The following CTIF variants were observed in gnomAD, a reference collection of about 807,000 sequenced individuals.
CTIF encodes CBP80/20-dependent translation initiation factor.
CTIF carries 21 observed loss-of-function variants against 66.0 expected under a neutral mutation model. That is an observed-to-expected ratio of 0.32 (90% CI 0.23 to 0.46). The LOEUF (loss-of-function observed/expected upper bound fraction) is 0.46, where lower values mean the gene tolerates loss of function less well. CTIF is among the 20% of genes least tolerant of loss of function. CTIF has a pLI of 1.00. For missense variants in CTIF, 739 were observed against 812.7 expected (o/e 0.91, Z 1.10); for synonymous variants, 345 against 326.4 (o/e 1.06, Z -0.62).
chr18:48,724,250 G>C (rs1241549216), intron 7 of CTIF, among the ~76,000 whole-genome samples: 1 of 152,154 alleles, frequency 6.6e-6, no homozygotes, highest in Non-Finnish European at 1.5e-5. Flanking sequence ...CTTGTGGGAT[G>C]GCATTATCAA....
intron 6 of CTIF, among the ~76,000 whole-genome samples, chr18:48,705,273 G>A (rs759804818): frequency 3.9e-5 from 6 of 152,118 alleles, no homozygotes; most frequent in South Asian, 2.1e-4. Flanking sequence ...CCAGCTTCCC[G>A]TGGCTGCCAG....
intron 1 of CTIF, among the ~76,000 whole-genome samples, chr18:48,603,849 A>T (rs2090152207): frequency 7.2e-6 from 1 of 138,126 alleles, no homozygotes; most frequent in South Asian, 2.3e-4. Flanking sequence ...ACTCAGTGAA[A>T]TTTTTTTTTT....
chr18:48,594,089 A>T (rs1438490586), intron 1 of CTIF, among the ~76,000 whole-genome samples: 1 of 95,076 alleles, frequency 1.1e-5, no homozygotes, highest in African/African-American at 3.7e-5. Context: ...CCCTTCCCCC[A>T]CTCCTGCAAT....
At chr18:48,745,710 A>G (rs747092590) in intron 7 of CTIF, among the ~76,000 whole-genome samples, 1 of 152,216 alleles carries the variant, frequency 6.6e-6, no homozygotes, top group Non-Finnish European at 1.5e-5. Context: ...AGTGGTGTTT[A>G]ATGTGAAGGT....
At chr18:48,659,763 G>C (rs1437473887) in intron 3 of CTIF, among the ~76,000 whole-genome samples, 1 of 152,198 alleles carries the variant, frequency 6.6e-6, no homozygotes, top group Non-Finnish European at 1.5e-5. Context: ...GGAAGGAGAA[G>C]CAGCCTGGTG....
At chr18:48,589,481 T>C (rs975485534) in intron 1 of CTIF, among the ~76,000 whole-genome samples, 1 of 152,208 alleles carries the variant, frequency 6.6e-6, no homozygotes, top group Non-Finnish European at 1.5e-5. Context: ...TCCTAACTTG[T>C]TTACATCTAT....
intron 1 of CTIF, among the ~76,000 whole-genome samples, chr18:48,585,720 A>G (rs907860681): frequency 1.1e-4 from 17 of 152,164 alleles, no homozygotes; most frequent in Admixed American, 6.5e-4. Flanking sequence ...GCACTGCAAT[A>G]TACTCCAGCC....
chr18:48,821,354 C>T (rs1461190757), intron 10 of CTIF, among the ~76,000 whole-genome samples: 1 of 152,260 alleles, frequency 6.6e-6, no homozygotes, highest in Non-Finnish European at 1.5e-5. Flanking sequence ...ACTCAGACAG[C>T]ACTTTGAAGA....
intron 10 of CTIF, among the ~76,000 whole-genome samples, chr18:48,821,427 C>T (rs577003575): frequency 1.3e-5 from 2 of 152,376 alleles, no homozygotes; most frequent in South Asian, 2.1e-4. Context: ...GGCCACACAG[C>T]CACCAAGCGG....
At chr18:48,570,868 G>A (rs1315792014) in intron 1 of CTIF, among the ~76,000 whole-genome samples, 1 of 152,080 alleles carries the variant, frequency 6.6e-6, no homozygotes, top group South Asian at 2.1e-4. Flanking sequence ...GAGTGAGAAG[G>A]CCACATGTGT....
intron 9 of CTIF, among the ~76,000 whole-genome samples, chr18:48,765,283 C>G (rs979642786): frequency 6.6e-6 from 1 of 152,184 alleles, no homozygotes. Flanking sequence ...GCACTCAGCT[C>G]CATCCACTCA....
intron 6 of CTIF, among the ~76,000 whole-genome samples, chr18:48,688,734 A>G (rs912574902): frequency 7.2e-5 from 11 of 152,208 alleles, no homozygotes; most frequent in African/African-American, 2.7e-4. Context: ...AATCCGAATG[A>G]TTGGTCCTTG....
intron 9 of CTIF, among the ~76,000 whole-genome samples, chr18:48,764,288 A>G (rs1909300392): frequency 6.6e-6 from 1 of 152,212 alleles, no homozygotes; most frequent in Non-Finnish European, 1.5e-5. Context: ...GGGACTGAGG[A>G]TACAGCAGTC....
Position 48,862,575 on chromosome 18 carries a change from C to A in CTIF, c.*3016C>A, listed in dbSNP as rs1293251346. The A allele has an allele frequency of 6.5e-6, 1 of 152,724 alleles. No individual in the cohort carries two copies. Among genetic ancestry groups the A allele is most frequent in the Non-Finnish European group, 1.5e-5 (1 of 68,094 alleles). The allele number at this position is 152,724 out of a possible 1,614,324, so 9.5% of individuals were successfully genotyped here. Reference sequence around the variant, plus strand: ...TTCTCTCTGTTCGTCCTTCCTTGACCAGTCTGTAAACCTTCACTGTTTGGG... The same window carrying A: ...TTCTCTCTGTTCGTCCTTCCTTGACAAGTCTGTAAACCTTCACTGTTTGGG... On this transcript the variant is annotated 3_prime_UTR_variant, in exon 12 of 12. Coordinates refer to ENST00000256413, the MANE Select transcript of CTIF (RefSeq NM_014772.3).
intron 1 of CTIF, among the ~76,000 whole-genome samples, chr18:48,599,288 A>T (rs1219399558): frequency 3.3e-5 from 5 of 151,860 alleles, no homozygotes; most frequent in African/African-American, 1.2e-4. Flanking sequence ...TGTTCTAGCC[A>T]GGGGGGTCAA....
intron 9 of CTIF, among the ~76,000 whole-genome samples, chr18:48,795,931 T>C (rs1330458158): frequency 6.6e-6 from 1 of 152,174 alleles, no homozygotes; most frequent in African/African-American, 2.4e-5. Flanking sequence ...TTTCCTGTGC[T>C]GGAAGTCACT....
intron 1 of CTIF, among the ~76,000 whole-genome samples, chr18:48,608,725 T>C (rs1175737633): frequency 2.6e-5 from 4 of 152,176 alleles, no homozygotes; most frequent in African/African-American, 9.7e-5. Flanking sequence ...ATCTAGCCTG[T>C]GCACAGCCTG....
At chr18:48,709,560 G>A (rs2092200350) in intron 6 of CTIF, among the ~76,000 whole-genome samples, 1 of 152,238 alleles carries the variant, frequency 6.6e-6, no homozygotes, top group East Asian at 1.9e-4. Flanking sequence ...CGAGATCCTA[G>A]TCCCTGCCGC....
chr18:48,774,796 G>C (rs889247145), intron 9 of CTIF, among the ~76,000 whole-genome samples: 1 of 152,236 alleles, frequency 6.6e-6, no homozygotes, highest in African/African-American at 2.4e-5. Context: ...TACGAAAGAA[G>C]GGGGTAGCTT....
Sources: gnomAD v4.1 joint callset for allele counts (sites outside exome capture counted in the v4.1 genomes callset) on GRCh38, gnomAD v4.1.1 for gene constraint, MANE v1.5 for transcripts, NCBI Gene and HGNC (gene_info 2026-07-23, HGNC 2026-07-21) for gene names.